The following CRISPLD2 variants were observed in gnomAD, a reference collection of about 807,000 sequenced individuals.
CRISPLD2 encodes the protein cysteine rich secretory protein LCCL domain containing 2, also known as cysteine-rich secretory protein LCCL domain-containing 2.
CRISPLD2 carries 47 observed loss-of-function variants against 71.1 expected under a neutral mutation model. The observed-to-expected ratio is 0.66, with a 90% CI of 0.52 to 0.84. The LOEUF (loss-of-function observed/expected upper bound fraction) is 0.84, where lower values mean the gene tolerates loss of function less well. Among genes scored for constraint, CRISPLD2 ranks in the 40% least tolerant of loss-of-function variants. The pLI is 0.00. For missense variants in CRISPLD2, 830 were observed against 651.1 expected (o/e 1.27, Z -2.99); for synonymous variants, 317 against 250.1 (o/e 1.27, Z -2.52).
rs187815643 is a variant in CRISPLD2 at position 84,850,701 on chromosome 16, C to T, written c.608+18C>T. 606 of 1,591,682 alleles carry T rather than the reference C, an allele frequency of 3.8e-4. 1 individual carries two copies. Among genetic ancestry groups the T allele is most frequent in the Non-Finnish European group, 4.9e-4 (570 of 1,159,570 alleles). On this transcript the variant is annotated intron_variant, in intron 5 of 14. Transcript: ENST00000262424. ...TCTCCAAAGTAAGACAAGTTGATGC[C>T]GTTGTATGGGGTGGGGGTTGGGATG...
At chr16:84,827,960 G>A (rs748599149) in intron 1 of CRISPLD2, among the ~76,000 whole-genome samples, 5 of 152,096 alleles carry the variant, frequency 3.3e-5, no homozygotes, top group African/African-American at 7.2e-5. Context: ...TTCGCCATCC[G>A]TGTGTCCGGG....
Position 84,868,883 on chromosome 16 carries a change from G to C in CRISPLD2, c.886G>C (p.Asp296His). 1 of 1,610,298 alleles carries C rather than the reference G, an allele frequency of 6.2e-7. No individual in the cohort carries two copies. The highest frequency in any genetic ancestry group is 8.5e-7 in the Non-Finnish European group (1 of 1,178,424). Residue 296 changes from aspartate (D) to histidine (H), a missense_variant, in exon 8 of 15, where the codon GAC becomes CAC. Coordinates refer to ENST00000262424, the MANE Select transcript of CRISPLD2 (RefSeq NM_031476.4). The stretch of plus-strand genomic sequence containing the variant: ...CGTCAGATGTGACACCAAGATGAAG[G>C]ACAGGTGCAAAGGGTCCACGTGTAA... ...QVVRCDTKMK[D>H]RCKGSTCNRY...
At chr16:84,897,825 C>T (rs1465295710) in intron 14 of CRISPLD2, among the ~76,000 whole-genome samples, 1 of 152,226 alleles carries the variant, frequency 6.6e-6, no homozygotes, top group Non-Finnish European at 1.5e-5. Flanking sequence ...CCATGTTGGC[C>T]AGGCTGGTCT....
intron 5 of CRISPLD2, among the ~76,000 whole-genome samples, chr16:84,851,742 G>A (rs927463359): frequency 3.5e-4 from 54 of 152,334 alleles, no homozygotes; most frequent in Middle Eastern, 3.4e-3. Flanking sequence ...CCAGTGGCAG[G>A]TGGTGAATGA....
In CRISPLD2 at chr16:84,838,537, G is replaced by A. The variant is rs207476236; in HGVS notation, c.42G>A (p.Leu14=). ...VLGGVIPLGL[L]FLVCGSQGYL... ...GTGGTGTCATCCCCTTGGGGCTGCT[G>A]TTCCTGGTCTGCGGATCCCAAGGCT... Residue 14 remains leucine, a synonymous_variant, in exon 2 of 15, where the codon CTG becomes CTA. Coordinates refer to ENST00000262424, the MANE Select transcript of CRISPLD2 (RefSeq NM_031476.4). 6.2e-7 allele frequency: 1 copy of A among 1,614,220 alleles called. No individual in the cohort carries two copies. The highest frequency in any genetic ancestry group is 8.5e-7 in the Non-Finnish European group (1 of 1,180,046).
chr16:84,867,197 G>C (rs139036312), intron 7 of CRISPLD2, among the ~76,000 whole-genome samples, 157 bp downstream of exon 7: 23 of 152,302 alleles, frequency 1.5e-4, no homozygotes, highest in African/African-American at 5.5e-4. Context: ...ACCATAAGAC[G>C]TTTTTCAAAA....
intron 13 of CRISPLD2, among the ~76,000 whole-genome samples, chr16:84,886,552 A>G (rs1232538522): frequency 2.0e-5 from 3 of 152,114 alleles, no homozygotes; most frequent in East Asian, 3.9e-4. Flanking sequence ...AAGCCAGGCA[A>G]TGGCTCACAC....
intron 6 of CRISPLD2, among the ~76,000 whole-genome samples, chr16:84,859,828 G>A (rs1917334724): frequency 1.3e-5 from 2 of 152,170 alleles, no homozygotes; most frequent in South Asian, 4.1e-4. Flanking sequence ...ACTTTTGATG[G>A]TTGAGTGCTG....
chr16:84,886,872 C>G (rs967680800), intron 13 of CRISPLD2, among the ~76,000 whole-genome samples: 2 of 152,218 alleles, frequency 1.3e-5, no homozygotes, highest in Non-Finnish European at 2.9e-5. Flanking sequence ...AAGTGCACAG[C>G]TTATTAGCAT....
At chr16:84,904,306 C>G (rs187059162) in intron 14 of CRISPLD2, among the ~76,000 whole-genome samples, 122 of 152,000 alleles carry the variant, frequency 8.0e-4, no homozygotes, top group African/African-American at 2.3e-3. Context: ...GTGATTGGGC[C>G]TGGTACGGTG....
intron 13 of CRISPLD2, among the ~76,000 whole-genome samples, chr16:84,886,221 C>A (rs1404575511): frequency 6.6e-6 from 1 of 152,184 alleles, no homozygotes; most frequent in East Asian, 1.9e-4. Flanking sequence ...CGCCTCTCTT[C>A]ATTCCCTCAT....
intron 13 of CRISPLD2, among the ~76,000 whole-genome samples, chr16:84,880,924 C>T (rs2071563082): frequency 6.6e-6 from 1 of 152,040 alleles, no homozygotes; most frequent in Non-Finnish European, 1.5e-5. Flanking sequence ...AGGCTGGTTT[C>T]GAACTCCCAA....
chr16:84,905,897 A>G (rs1168330319), intron 14 of CRISPLD2, among the ~76,000 whole-genome samples: 1 of 150,158 alleles, frequency 6.7e-6, no homozygotes, highest in African/African-American at 2.5e-5. Flanking sequence ...TTTCGTAGAG[A>G]TGGGGTTTCA....
intron 1 of CRISPLD2, among the ~76,000 whole-genome samples, chr16:84,824,003 C>A (rs551316306): frequency 6.6e-6 from 1 of 152,176 alleles, no homozygotes; most frequent in Non-Finnish European, 1.5e-5. Context: ...CTCAACTGGA[C>A]CCCTCTAAGG....
intron 13 of CRISPLD2, among the ~76,000 whole-genome samples, chr16:84,882,894 C>T (rs1166966483): frequency 1.3e-5 from 2 of 152,228 alleles, no homozygotes; most frequent in African/African-American, 4.8e-5. Flanking sequence ...CGACTCTGCT[C>T]TTTCCCTGGT....
chr16:84,873,317 A>C, intron 10 of CRISPLD2, 195 bp downstream of exon 10: 1 of 485,202 alleles, frequency 2.1e-6, no homozygotes, highest in South Asian at 2.6e-5. Flanking sequence ...GTCTCTACTA[A>C]AAATACAAAA....
intron 6 of CRISPLD2, 23 bp downstream of exon 6, chr16:84,854,852 T>G (rs1290157129): frequency 6.3e-7 from 1 of 1,575,268 alleles, no homozygotes; most frequent in Admixed American, 1.7e-5. Flanking sequence ...CTCCCAACAC[T>G]TTTGCAATGA....
rs113716990 is a variant in CRISPLD2, at chr16:84,848,696, C to T, written c.360-689C>T. Among the ~76,000 whole-genome samples, 1,072 of 152,314 alleles carry T rather than the reference C, an allele frequency of 7.0e-3. 12 individuals are homozygous for T. Among genetic ancestry groups the T allele is most frequent in the African/African-American group, 0.025 (1,031 of 41,566 alleles). Reference sequence around the variant, plus strand: ...CCTCAGGTGATCCTACCGCCTCAGCCTCCCAAAGTGCTGGGATGACAGGCA... The same window carrying T: ...CCTCAGGTGATCCTACCGCCTCAGCTTCCCAAAGTGCTGGGATGACAGGCA... On this transcript the variant is annotated intron_variant, in intron 3 of 14. Coordinates refer to ENST00000262424, the MANE Select transcript of CRISPLD2 (RefSeq NM_031476.4).
At chr16:84,906,322 G>A (rs2071802090) in intron 14 of CRISPLD2, among the ~76,000 whole-genome samples, 1 of 152,130 alleles carries the variant, frequency 6.6e-6, no homozygotes, top group Admixed American at 6.5e-5. Flanking sequence ...ACTGGGTCCA[G>A]CAGATCCCTG....
Sources: allele counts gnomAD v4.1 joint callset (sites outside exome capture counted in the v4.1 genomes callset), GRCh38; gene constraint gnomAD v4.1.1; transcripts MANE v1.5; gene names NCBI Gene and HGNC (gene_info 2026-07-23, HGNC 2026-07-21).